Variants in PLEKHA6 observed in about 807,000 individuals in gnomAD.
The protein encoded by PLEKHA6 is pleckstrin homology domain containing A6.
In PLEKHA6, 60 loss-of-function variants were observed where a neutral mutation model predicts 116.7. That is an observed-to-expected ratio of 0.51 (90% CI 0.42 to 0.64). The LOEUF is 0.64. PLEKHA6 is among the 30% of genes least tolerant of loss of function. The probability of loss-of-function intolerance (pLI) is 0.00; values close to 1 mark genes in which losing one functional copy is unlikely to be tolerated. For missense variants in PLEKHA6, 1,338 were observed against 1,422.7 expected, an observed-to-expected ratio of 0.94 and a Z score of 0.96; for synonymous variants, 489 against 556.1, an observed-to-expected ratio of 0.88 and a Z score of 1.70.
At chr1:204,282,137 C>T (rs1241647362) in intron 1 of PLEKHA6, among the ~76,000 whole-genome samples, 1 of 151,826 alleles carries the variant, frequency 6.6e-6, no homozygotes, top group African/African-American at 2.4e-5. Context: ...GTCCCTTATT[C>T]CTATGAGAGG....
At chr1:204,308,687 C>CTTTCTTTTTTTTT (rs775770952) in intron 1 of PLEKHA6, among the ~76,000 whole-genome samples, 4 of 81,406 alleles carry the variant, frequency 4.9e-5, no homozygotes, top group South Asian at 5.0e-4. Flanking sequence ...TTTTCTTTTT[C>CTTTCTTTTTTTTT]TTTTTTTTTT....
intron 3 of PLEKHA6, 22 bp downstream of exon 3, chr1:204,273,604 T>A: frequency 6.5e-7 from 1 of 1,530,554 alleles, no homozygotes; most frequent in Non-Finnish European, 9.1e-7. Flanking sequence ...GCCCAACAGC[T>A]TGCCTTGAGG....
chr1:204,275,488 G>A (rs575858145), intron 1 of PLEKHA6, among the ~76,000 whole-genome samples: 11 of 152,230 alleles, frequency 7.2e-5, no homozygotes, highest in East Asian at 5.8e-4. Flanking sequence ...GGGGCAGGGC[G>A]TTGTGAGGAT....
chr1:204,302,455 A>G (rs1670908506), intron 1 of PLEKHA6, among the ~76,000 whole-genome samples: 1 of 152,198 alleles, frequency 6.6e-6, no homozygotes, highest in Non-Finnish European at 1.5e-5. Context: ...AGAGATTCTA[A>G]TCTCTAAGAA....
rs1184901865 is a variant in PLEKHA6 at position 204,338,037 on chromosome 1, C to A, written c.-95+21657G>T. ...CAACCCTATGAAGTATTCTTCTCTCCATTTACAGATGAGGAAACTGAGGTT... is the reference window on the plus strand; with the variant it reads ...CAACCCTATGAAGTATTCTTCTCTCAATTTACAGATGAGGAAACTGAGGTT... On this transcript the variant is annotated intron_variant, in intron 1 of 22. Transcript: ENST00000272203. 2.0e-5 allele frequency among the ~76,000 whole-genome samples: 3 copies of A among 152,230 alleles called. No individual in the cohort carries two copies. The East Asian group carries it at 5.8e-4, about 29-fold the overall frequency.
rs1204327213 is a variant in PLEKHA6, at chr1:204,249,257, A to T, written c.1601T>A (p.Leu534Gln). The T allele has an allele frequency of 6.2e-7, 1 of 1,611,586 alleles. No individual in the cohort carries two copies. Among genetic ancestry groups the T allele is most frequent in the Non-Finnish European group, 8.5e-7 (1 of 1,177,668 alleles). Residue 534 changes from leucine to glutamine, a missense_variant, in exon 11 of 23, where the codon CTG becomes CAG. Leu to Gln is a moderately radical substitution (Grantham distance 113, BLOSUM62 -2). Transcript: ENST00000272203. ...CTTGTTCTGCTCACACAATTTTCCCAGCAGCTTCTAGGGACCCAGAGAGTG... is the reference window on the plus strand; with the variant it reads ...CTTGTTCTGCTCACACAATTTTCCCTGCAGCTTCTAGGGACCCAGAGAGTG... ...KLNEQDTDKL[L>Q]GKLCEQNKVV...
At chr1:204,239,833 G>A (rs1362597895) in intron 17 of PLEKHA6, among the ~76,000 whole-genome samples, 3 of 152,016 alleles carry the variant, frequency 2.0e-5, no homozygotes, top group Admixed American at 6.6e-5. Flanking sequence ...CAGGATTTAC[G>A]GGTCCAGGAA....
At position 204,238,646 on chromosome 1, in the gene PLEKHA6, C is replaced by T. The variant is rs181795684; in HGVS notation, c.2409+2729G>A. 9.2e-5 allele frequency among the ~76,000 whole-genome samples: 14 copies of T among 152,294 alleles called. No homozygotes were observed. The East Asian group carries it at 2.7e-3, about 29-fold the overall frequency. On this transcript the variant is annotated intron_variant, in intron 17 of 22. Coordinates refer to ENST00000272203, the MANE Select transcript of PLEKHA6 (RefSeq NM_014935.5). This position sits in a 1 kb window ranked among gnomAD's most constrained non-coding sequence, Gnocchi z 4.2. ...AGGAAGTGGCTCAAATGCCCATGGCCTCCACTCCTGCCACCATGCCTTCTC... is the reference window on the plus strand; with the variant it reads ...AGGAAGTGGCTCAAATGCCCATGGCTTCCACTCCTGCCACCATGCCTTCTC...
chr1:204,225,755 T>C (rs921938912), intron 21 of PLEKHA6, among the ~76,000 whole-genome samples: 1 of 152,190 alleles, frequency 6.6e-6, no homozygotes, highest in African/African-American at 2.4e-5. Flanking sequence ...TTAGACATTT[T>C]ACACAGACAT....
chr1:204,253,031 G>T (rs1341189493), intron 9 of PLEKHA6, among the ~76,000 whole-genome samples: 3 of 152,314 alleles, frequency 2.0e-5, no homozygotes, highest in African/African-American at 7.2e-5. Flanking sequence ...ATTCTTGTGT[G>T]CTACCTTCTG....
chr1:204,267,215 T>C (rs59139169), intron 5 of PLEKHA6, among the ~76,000 whole-genome samples: 3,752 of 152,318 alleles, frequency 0.025, 180 homozygotes, highest in African/African-American at 0.086. Flanking sequence ...ATGACCACCT[T>C]GTTCACCCAG....
intron 1 of PLEKHA6, chr1:204,326,972 C>A: frequency 1.0e-6 from 1 of 985,280 alleles, no homozygotes; most frequent in Non-Finnish European, 1.2e-6. Context: ...CAGGCAGAAG[C>A]GCGCTGGGTA....
chr1:204,300,855 A>G (rs1364548250), intron 1 of PLEKHA6, among the ~76,000 whole-genome samples: 1 of 152,208 alleles, frequency 6.6e-6, no homozygotes, highest in Non-Finnish European at 1.5e-5. Flanking sequence ...TTACAAGACT[A>G]TATGAGGCAA....
At chr1:204,267,360 G>T in intron 5 of PLEKHA6, 115 bp downstream of exon 5, 1 of 819,004 alleles carries the variant, frequency 1.2e-6, no homozygotes, top group Non-Finnish European at 2.1e-6. Context: ...ACCACAGTGA[G>T]GAGATCTGCC....
intron 1 of PLEKHA6, among the ~76,000 whole-genome samples, chr1:204,323,392 A>G (rs1041965538): frequency 2.0e-5 from 3 of 152,236 alleles, no homozygotes; most frequent in Admixed American, 1.3e-4. Context: ...AACCTGTCCA[A>G]TAGATCCCAG....
At chr1:204,245,939 G>A (rs1357752883) in intron 13 of PLEKHA6, among the ~76,000 whole-genome samples, 1 of 152,058 alleles carries the variant, frequency 6.6e-6, no homozygotes, top group Non-Finnish European at 1.5e-5. Context: ...CTAGGAGATG[G>A]CACCCCAGAA....
chr1:204,330,039 AAT>A (rs1553279078), intron 1 of PLEKHA6, among the ~76,000 whole-genome samples: 1 of 152,172 alleles, frequency 6.6e-6, no homozygotes, highest in South Asian at 2.1e-4. Flanking sequence ...ACTAGAAAAA[AAT>A]ATATATATAA....
intron 1 of PLEKHA6, among the ~76,000 whole-genome samples, chr1:204,332,566 G>C (rs1672493852): frequency 6.6e-6 from 1 of 152,158 alleles, no homozygotes; most frequent in Admixed American, 6.5e-5. Context: ...ATTTTTAGTA[G>C]AGATGGGGTT....
intron 9 of PLEKHA6, among the ~76,000 whole-genome samples, chr1:204,254,012 G>A (rs1664938119): frequency 6.6e-6 from 1 of 152,220 alleles, no homozygotes; most frequent in Non-Finnish European, 1.5e-5. Flanking sequence ...TGAATGCTTG[G>A]ACAGCTGGGC....
Sources: gnomAD v4.1 joint callset for allele counts (sites outside exome capture counted in the v4.1 genomes callset) on GRCh38, gnomAD v4.1.1 for gene constraint, Gnocchi (gnomAD v3.1) non-coding constraint, MANE v1.5 for transcripts, NCBI Gene and HGNC (gene_info 2026-07-23, HGNC 2026-07-21) for gene names.